Variants in MSRA observed in about 807,000 individuals in gnomAD.
The protein encoded by MSRA is mitochondrial peptide methionine sulfoxide reductase.
MSRA carries 54 observed loss-of-function variants against 31.3 expected under a neutral mutation model. That is an observed-to-expected ratio of 1.73 (90% confidence interval 1.39 to 2.17). The LOEUF is 2.17. Ranked by LOEUF, MSRA falls within the 30% of genes most tolerant of loss-of-function variation. The probability of loss-of-function intolerance (pLI) is 0.00; values close to 1 mark genes in which losing one functional copy is unlikely to be tolerated. For synonymous variants in MSRA, 169 were observed against 116.5 expected (o/e 1.45, Z -2.90); for missense variants, 507 against 300.9 (o/e 1.69, Z -5.07).
At chr8:10,299,985 G>A (rs965985067) in intron 3 of MSRA, among the ~76,000 whole-genome samples, 1 of 152,218 alleles carries the variant, frequency 6.6e-6, no homozygotes, top group African/African-American at 2.4e-5. Flanking sequence ...GATTGAATAA[G>A]TAGTTGGACA....
intron 5 of MSRA, among the ~76,000 whole-genome samples, chr8:10,351,625 A>T (rs1339736748): frequency 6.6e-6 from 1 of 152,204 alleles, no homozygotes; most frequent in African/African-American, 2.4e-5. Flanking sequence ...GTACTTATAA[A>T]ATATCTTTGT....
At chr8:10,180,113 G>T (rs1806407009) in intron 1 of MSRA, among the ~76,000 whole-genome samples, 1 of 152,178 alleles carries the variant, frequency 6.6e-6, no homozygotes, top group Non-Finnish European at 1.5e-5. Context: ...GATGCCAATT[G>T]CAAGTCCCCA....
intron 1 of MSRA, among the ~76,000 whole-genome samples, chr8:10,058,336 G>A (rs1802510597): frequency 6.6e-6 from 1 of 152,176 alleles, no homozygotes; most frequent in Admixed American, 6.5e-5. Context: ...TACAAAATAA[G>A]TCCTGAGAAG....
intron 1 of MSRA, among the ~76,000 whole-genome samples, chr8:10,161,986 C>A (rs904474172): frequency 6.6e-6 from 1 of 152,184 alleles, no homozygotes; most frequent in Admixed American, 6.5e-5. Flanking sequence ...CTGTGCGGAT[C>A]CCAGCTCGCA....
chr8:10,225,929 A>G (rs992818557), intron 2 of MSRA, among the ~76,000 whole-genome samples: 4 of 152,264 alleles, frequency 2.6e-5, no homozygotes, highest in African/African-American at 9.6e-5. Context: ...CATGCCAGAA[A>G]GACGTAAGGT....
At chr8:10,161,767 C>T (rs532266845) in intron 1 of MSRA, among the ~76,000 whole-genome samples, 4 of 152,242 alleles carry the variant, frequency 2.6e-5, no homozygotes, top group South Asian at 4.2e-4. Flanking sequence ...AGCGATGGAA[C>T]AGGACTGTGG....
intron 5 of MSRA, among the ~76,000 whole-genome samples, chr8:10,401,740 A>C (rs1321775641): frequency 6.6e-6 from 1 of 152,204 alleles, no homozygotes; most frequent in Non-Finnish European, 1.5e-5. Context: ...AGGGAAGAAA[A>C]TTCTGACATG....
At chr8:10,230,043 G>C (rs537702543) in intron 2 of MSRA, among the ~76,000 whole-genome samples, 1 of 152,164 alleles carries the variant, frequency 6.6e-6, no homozygotes, top group South Asian at 2.1e-4. Context: ...AAATTTCAAA[G>C]TGTTACAGTT....
chr8:10,334,313 A>G (rs978110391), intron 5 of MSRA, among the ~76,000 whole-genome samples: 1 of 152,016 alleles, frequency 6.6e-6, no homozygotes, highest in Non-Finnish European at 1.5e-5. Flanking sequence ...CAGCTAGGGT[A>G]GGGTCTACTT....
intron 1 of MSRA, among the ~76,000 whole-genome samples, chr8:10,190,831 C>A (rs1194729586): frequency 6.6e-6 from 1 of 152,112 alleles, no homozygotes; most frequent in Non-Finnish European, 1.5e-5. Flanking sequence ...GGTATTTTTT[C>A]CTCCTTTCTT....
intron 1 of MSRA, among the ~76,000 whole-genome samples, chr8:10,119,212 T>G (rs1304498445): frequency 6.6e-6 from 1 of 152,234 alleles, no homozygotes; most frequent in Non-Finnish European, 1.5e-5. Flanking sequence ...TCTGGGATAT[T>G]GTTTCAGGTA....
chr8:10,054,681 G>C (rs746367916), intron 1 of MSRA, 23 bp downstream of exon 1: 1 of 1,490,468 alleles, frequency 6.7e-7, no homozygotes, highest in African/African-American at 1.4e-5. Flanking sequence ...CACACGGAAG[G>C]CGCGGGCGGC....
chr8:10,371,531 G>C (rs1805475983), intron 5 of MSRA, among the ~76,000 whole-genome samples: 1 of 152,136 alleles, frequency 6.6e-6, no homozygotes, highest in African/African-American at 2.4e-5. Flanking sequence ...CAGCAGCAAA[G>C]AGAAACATTC....
intron 1 of MSRA, among the ~76,000 whole-genome samples, chr8:10,179,385 G>A (rs1806343061): frequency 1.3e-5 from 2 of 152,174 alleles, no homozygotes; most frequent in Admixed American, 1.3e-4. Flanking sequence ...CAGTAAAGGG[G>A]TGGGACTGAG....
At chr8:10,186,973 T>A (rs983315780) in intron 1 of MSRA, among the ~76,000 whole-genome samples, 3 of 152,198 alleles carry the variant, frequency 2.0e-5, no homozygotes, top group Non-Finnish European at 4.4e-5. Flanking sequence ...AATTCATGCT[T>A]TTTAGTGTTG....
At chr8:10,224,840 A>T (rs1423859589) in intron 2 of MSRA, among the ~76,000 whole-genome samples, 1 of 152,132 alleles carries the variant, frequency 6.6e-6, no homozygotes, top group Non-Finnish European at 1.5e-5. Context: ...CTACTCTCCT[A>T]GCCTTTTTTA....
chr8:10,213,880 T>A (rs1809745100), intron 2 of MSRA, among the ~76,000 whole-genome samples: 1 of 152,120 alleles, frequency 6.6e-6, no homozygotes, highest in South Asian at 2.1e-4. Flanking sequence ...TGTGAACCCG[T>A]ACCATTTGGG....
intron 5 of MSRA, among the ~76,000 whole-genome samples, chr8:10,356,663 A>G (rs192934964): frequency 2.0e-3 from 308 of 152,246 alleles, no homozygotes; most frequent in Middle Eastern, 3.4e-3. Flanking sequence ...TGCCGTTGTA[A>G]AGAGACCCTT....
At chr8:10,373,969 A>C (rs557814179) in intron 5 of MSRA, among the ~76,000 whole-genome samples, 2 of 152,224 alleles carry the variant, frequency 1.3e-5, no homozygotes, top group Admixed American at 6.5e-5. Flanking sequence ...GCTGGACCCA[A>C]GGGCAGATGC....
Sources: allele counts gnomAD v4.1 joint callset (sites outside exome capture counted in the v4.1 genomes callset), GRCh38; gene constraint gnomAD v4.1.1; transcripts MANE v1.5; gene names NCBI Gene and HGNC (gene_info 2026-07-23, HGNC 2026-07-21).